C8orf82: variants seen among roughly 807,000 people sequenced by gnomAD.
C8orf82 encodes chromosome 8 open reading frame 82.
Under a neutral mutation model 15.0 loss-of-function variants are expected in C8orf82, and 24 were observed. The ratio of observed to expected loss-of-function variants is 1.60; its 90% CI spans 1.16 to 2.24. C8orf82 has a LOEUF of 2.24. C8orf82 is among the 30% of genes most tolerant of loss of function. C8orf82 has a pLI of 0.00. For missense variants in C8orf82, 388 were observed against 317.4 expected, an observed-to-expected ratio of 1.22 and a Z score of -1.69; for synonymous variants, 205 against 152.2, an observed-to-expected ratio of 1.35 and a Z score of -2.55.
At chr8:144,528,522 G>A (rs1380140272) in intron 1 of C8orf82, 23 of 1,396,284 alleles carry the variant, frequency 1.6e-5, no homozygotes, top group Non-Finnish European at 2.2e-5. Context: ...CGCGGCCCAT[G>A]TAGGAGCCTC....
intron 1 of C8orf82, 42 bp downstream of exon 1, chr8:144,528,716 CTCT>C: frequency 1.5e-6 from 1 of 675,928 alleles, no homozygotes; most frequent in Non-Finnish European, 2.0e-6. Context: ...GCCCAGAGAC[CTCT>C]CCCGGCCCCG....
In C8orf82 at chr8:144,527,302, G is replaced by A. The variant is rs1252007059; in HGVS notation, c.*40C>T. ...GCGTGGAGTCCCGGGGGAGCGGGGC[G>A]AGAGGCGCCCGCGGCCTCCCGCCTT... On this transcript the variant is annotated 3_prime_UTR_variant, in exon 3 of 3. Transcript: ENST00000524821. 2.7e-5 allele frequency: 31 copies of A among 1,146,576 alleles called. No individual in the cohort carries two copies. The highest frequency in any genetic ancestry group is 3.2e-5 in the Non-Finnish European group (30 of 929,418). The allele number at this position is 1,146,576 out of a possible 1,614,324, so 71.0% of individuals were successfully genotyped here. A position where few individuals can be genotyped will look rare whatever the true frequency, so the allele number is the denominator to read the frequency against.
rs1348019342 is a variant in C8orf82 at position 144,529,058 on chromosome 8, T to A, written c.-142A>T. The A allele has an allele frequency of 1.2e-6, 1 of 804,166 alleles. No individual in the cohort carries two copies. Among genetic ancestry groups the A allele is most frequent in the Non-Finnish European group, 1.7e-6 (1 of 574,014 alleles). The allele number at this position is 804,166 out of a possible 1,614,324, so 49.8% of individuals were successfully genotyped here. A position where few individuals can be genotyped will look rare whatever the true frequency, so the allele number is the denominator to read the frequency against. On this transcript the variant is annotated 5_prime_UTR_variant, in exon 1 of 3. Transcript: ENST00000524821. ...CGGGCCCGGCGCTCTTCCCTCTCCC[T>A]CGGGCCTCGGGGGCTCGCCCGCCCT...
At chr8:144,528,224 G>C (rs1271316516) in intron 1 of C8orf82, 152 bp from the exon 2 acceptor site, 19 of 1,486,274 alleles carry the variant, frequency 1.3e-5, no homozygotes, top group Non-Finnish European at 1.6e-5. Flanking sequence ...GCGCGTGAAA[G>C]GTAAACCTGG....
intron 1 of C8orf82, 145 bp downstream of exon 1, chr8:144,528,616 C>CCGGGGGGGGGGGGGGGGGGGGGGCGGG: frequency 3.4e-6 from 1 of 296,006 alleles, no homozygotes; most frequent in Non-Finnish European, 5.1e-6. Flanking sequence ...GCGCAGGCCC[C>CCGGGGGGGGGGGGGGGGGGGGGGCGGG]GCCCACCCAC....
rs1489855926 is a variant in C8orf82, at chr8:144,527,491, C to T, written c.502G>A (p.Val168Met). 3.1e-6 allele frequency: 4 copies of T among 1,272,062 alleles called. No homozygotes were observed. Among genetic ancestry groups the T allele is most frequent in the South Asian group, 2.1e-5 (1 of 47,432 alleles). The allele number at this position is 1,272,062 out of a possible 1,614,324, so 78.8% of individuals were successfully genotyped here. Residue 168 changes from valine to methionine, a missense_variant, in exon 3 of 3, where the codon GTG (valine) becomes ATG (methionine). By Grantham distance (21) the Val-to-Met change is conservative (BLOSUM62 1). Transcript: ENST00000524821. ...APERAGGVGL[V>M]RSALAFELSA... Reference sequence around the variant, plus strand: ...AGCTCGAAGGCCAGGGCGGAGCGCACCAGGCCCACGCCGCCCGCACGCTCC... The same window carrying T: ...AGCTCGAAGGCCAGGGCGGAGCGCATCAGGCCCACGCCGCCCGCACGCTCC...
chr8:144,528,164 C>G (rs769930886), intron 1 of C8orf82, 92 bp from the exon 2 acceptor site: 150 of 1,554,436 alleles, frequency 9.6e-5, no homozygotes, highest in Non-Finnish European at 1.3e-4. Flanking sequence ...GGTCCTGAAC[C>G]GGCCCGAGCC....
chr8:144,528,590 G>A, intron 1 of C8orf82, 171 bp downstream of exon 1: 2 of 1,184,832 alleles, frequency 1.7e-6, no homozygotes, highest in Non-Finnish European at 2.2e-6. Flanking sequence ...GCTCTGAGGA[G>A]TCGAGGTTGC....
In C8orf82 at chr8:144,529,051, C is replaced by G; in HGVS notation, c.-135G>C. On this transcript the variant is annotated 5_prime_UTR_variant, in exon 1 of 3. Coordinates refer to ENST00000524821, the MANE Select transcript of C8orf82 (RefSeq NM_001001795.2). ...CGCGACCCGGGCCCGGCGCTCTTCC[C>G]TCTCCCTCGGGCCTCGGGGGCTCGC... 3.2e-6 allele frequency: 3 copies of G among 942,062 alleles called. No individual in the cohort carries two copies. In the South Asian group the frequency reaches 7.0e-5, roughly 22 times the overall value. 58.4% of individuals were successfully genotyped at this position (942,062 alleles called of 1,614,324 possible).
chr8:144,527,395 G>T lies in C8orf82; in HGVS notation c.598C>A (p.Leu200Ile). The change falls in exon 3 of 3, where the codon CTC (leucine) becomes ATC (isoleucine). Residue 200 changes from leucine (L) to isoleucine (I), a missense_variant. Coordinates refer to ENST00000524821, the MANE Select transcript of C8orf82 (RefSeq NM_001001795.2). The part of the protein sequence containing the change: ...PSHVRWQGRR[L>I]ALTMDLAPLL... ...GGGGCCAGGTCCATGGTGAGGGCGAGGCGGCGGCCCTGCCAGCGCACGTGC... is the reference window on the plus strand; with the variant it reads ...GGGGCCAGGTCCATGGTGAGGGCGATGCGGCGGCCCTGCCAGCGCACGTGC... 8.1e-7 allele frequency: 1 copy of T among 1,241,966 alleles called. No homozygotes were observed. The allele number at this position is 1,241,966 out of a possible 1,614,324, so 76.9% of individuals were successfully genotyped here.
chr8:144,527,365 G>A lies in C8orf82; in HGVS notation c.628C>T (p.Leu210=), dbSNP rs1459985441. The change falls in exon 3 of 3, where the codon CTG becomes TTG. Residue 210 remains leucine, a synonymous_variant. Transcript: ENST00000524821. ...GCTCAGGGCGACCGAGCCGCGAGCAGCAGCGGGGCCAGGTCCATGGTGAGG... is the reference window on the plus strand; with the variant it reads ...GCTCAGGGCGACCGAGCCGCGAGCAACAGCGGGGCCAGGTCCATGGTGAGG... ...LALTMDLAPL[L]LAARSP is the part of the protein sequence containing the mutation. 4 of 1,219,516 alleles carry A rather than the reference G, an allele frequency of 3.3e-6. No individual in the cohort carries two copies. Among genetic ancestry groups the A allele is most frequent in the East Asian group, 3.9e-5 (1 of 25,536 alleles). 75.5% of individuals were successfully genotyped at this position (1,219,516 alleles called of 1,614,324 possible). A position where few individuals can be genotyped will look rare whatever the true frequency, so the allele number is the denominator to read the frequency against.
At position 144,527,599 on chromosome 8, in the gene C8orf82, C is replaced by T. The variant is rs1816418079; in HGVS notation, c.394G>A (p.Gly132Ser). The T allele has an allele frequency of 6.6e-7, 1 of 1,517,266 alleles. No homozygotes were observed. The allele number at this position is 1,517,266 out of a possible 1,614,324, so 94.0% of individuals were successfully genotyped here. A position where few individuals can be genotyped will look rare whatever the true frequency, so the allele number is the denominator to read the frequency against. ...AAGGGCACGGCCAGGGCCTCGCCAC[C>T]GCCGCAGTAGGAGAGGCGCGGAGGC... ...HGPPRLSYCGGGEALAVPFEP... is the reference protein window; with the variant it reads ...HGPPRLSYCGSGEALAVPFEP... The change falls in exon 3 of 3, where the codon GGT (glycine) becomes AGT (serine). Residue 132 changes from glycine (G) to serine (S), a missense_variant. By Grantham distance (56) the Gly-to-Ser change is moderately conservative (BLOSUM62 0). Coordinates refer to ENST00000524821, the MANE Select transcript of C8orf82 (RefSeq NM_001001795.2).
rs921881422 is a variant in C8orf82 at position 144,528,030 on chromosome 8, A to C, written c.199T>G (p.Phe67Val). 6.2e-7 allele frequency: 1 copy of C among 1,612,662 alleles called. No individual in the cohort carries two copies. Among genetic ancestry groups the C allele is most frequent in the Non-Finnish European group, 8.5e-7 (1 of 1,179,820 alleles). The part of the protein sequence containing the change: ...DSKMKNFITC[F>V]KDPQFLVTFF... Reference sequence around the variant, plus strand: ...GAGGGAGGCACAGCATTACCTTTGAAGCAGGTGATGAAATTCTTCATTTTG... The same window carrying C: ...GAGGGAGGCACAGCATTACCTTTGACGCAGGTGATGAAATTCTTCATTTTG... Residue 67 changes from phenylalanine to valine, a missense_variant, in exon 2 of 3, where the codon TTC (phenylalanine) becomes GTC (valine). Phe to Val is a conservative substitution (Grantham distance 50, BLOSUM62 -1). Coordinates refer to ENST00000524821, the MANE Select transcript of C8orf82 (RefSeq NM_001001795.2).
rs1816395498 is a variant in C8orf82 at position 144,527,163 on chromosome 8, G to A, written c.*179C>T. On this transcript the variant is annotated 3_prime_UTR_variant, in exon 3 of 3. Coordinates refer to ENST00000524821, the MANE Select transcript of C8orf82 (RefSeq NM_001001795.2). ...GGGGGGCGCGCGCCGTGGGGAGCGG[G>A]GTGTCCGGGAGGGCCGGGCCGCGGC... The A allele has an allele frequency of 6.7e-6, 2 of 299,472 alleles. No individual in the cohort carries two copies. Among genetic ancestry groups the A allele is most frequent in the African/African-American group, 2.2e-5 (1 of 44,566 alleles). The allele number at this position is 299,472 out of a possible 1,614,324, so 18.6% of individuals were successfully genotyped here. A position where few individuals can be genotyped will look rare whatever the true frequency, so the allele number is the denominator to read the frequency against.
chr8:144,528,411 A>C, intron 1 of C8orf82: 1 of 1,489,558 alleles, frequency 6.7e-7, no homozygotes, highest in Non-Finnish European at 8.9e-7. Flanking sequence ...CTTCCAAAAA[A>C]AGGCAGGGCG....
intron 1 of C8orf82, 71 bp downstream of exon 1, chr8:144,528,690 C>CT (rs1554911101): frequency 8.4e-5 from 1 of 11,952 alleles, no homozygotes; most frequent in Non-Finnish European, 1.3e-4. Context: ...CAGAGCCACG[C>CT]CCCCCCCCCC....
Position 144,527,523 on chromosome 8 carries a change from G to T in C8orf82, c.470C>A (p.Pro157Gln). The change falls in exon 3 of 3, where the codon CCG (proline) becomes CAG (glutamine). Residue 157 changes from proline (P) to glutamine (Q), a missense_variant. Pro to Gln is a moderately conservative substitution (Grantham distance 76). Coordinates refer to ENST00000524821, the MANE Select transcript of C8orf82 (RefSeq NM_001001795.2). ...CACGCCGCCCGCACGCTCCGGCGCC[G>T]GGTGGTACAGGCGCCCGTTGGCGGC... Reference protein sequence around the residue: ...PLAANGRLYHPAPERAGGVGL... With the variant: ...PLAANGRLYHQAPERAGGVGL... The T allele has an allele frequency of 7.3e-7, 1 of 1,362,244 alleles. No individual in the cohort carries two copies. The allele number at this position is 1,362,244 out of a possible 1,614,324, so 84.4% of individuals were successfully genotyped here.
At position 144,527,345 on chromosome 8, in the gene C8orf82, G is replaced by C. The variant is rs578110481; in HGVS notation, c.648C>G (p.Pro216=). 2.3e-4 allele frequency: 281 copies of C among 1,197,926 alleles called. 2 individuals carry two copies. In the African/African-American group the frequency reaches 4.2e-3, roughly 18 times the overall value. 74.2% of individuals were successfully genotyped at this position (1,197,926 alleles called of 1,614,324 possible). ...LAPLLLAARS[P] ...CCCGCCTTTCCCTTGGCCCCGCTCA[G>C]GGCGACCGAGCCGCGAGCAGCAGCG... The change falls in exon 3 of 3, where the codon CCC becomes CCG. Residue 216 remains proline (P), a synonymous_variant. Transcript: ENST00000524821.
In C8orf82 at chr8:144,527,671, C is replaced by T; in HGVS notation, c.322G>A (p.Glu108Lys). The T allele has an allele frequency of 6.4e-7, 1 of 1,562,638 alleles. No homozygotes were observed. Residue 108 changes from glutamate (E) to lysine (K), a missense_variant, in exon 3 of 3, where the codon GAG (glutamate) becomes AAG (lysine). Transcript: ENST00000524821. ...CGRERNFLRC[E>K]DRPVVFTHLL... ...TGCGTGAAGACCACCGGCCGGTCCT[C>T]GCAGCGCAGGAAGTTGCGCTCTCTG...
Sources: allele counts gnomAD v4.1 joint callset, GRCh38; gene constraint gnomAD v4.1.1; transcripts MANE v1.5; gene names NCBI Gene and HGNC (gene_info 2026-07-23, HGNC 2026-07-21).